MITF: variants seen among roughly 807,000 people sequenced by gnomAD.
MITF encodes melanocyte inducing transcription factor, also known as microphthalmia-associated transcription factor.
Under a neutral mutation model 60.5 loss-of-function variants are expected in MITF, and 17 were observed. The observed-to-expected ratio is 0.28, with a 90% confidence interval of 0.19 to 0.42. The LOEUF is 0.42. Ranked by LOEUF, MITF falls within the 10% of genes least tolerant of loss-of-function variation. MITF has a pLI of 1.00. For synonymous variants in MITF, 260 were observed against 248.5 expected (o/e 1.05, Z -0.43); for missense variants, 622 against 683.5 (o/e 0.91, Z 1.00).
At chr3:69,811,748 G>C (rs1262663373) in intron 1 of MITF, among the ~76,000 whole-genome samples, 5 of 152,196 alleles carry the variant, frequency 3.3e-5, no homozygotes, top group African/African-American at 4.8e-5. Context: ...AGAATGACAA[G>C]GAAGGTATGG....
chr3:69,950,214 G>A (rs1383161537), intron 6 of MITF, among the ~76,000 whole-genome samples: 1 of 151,918 alleles, frequency 6.6e-6, no homozygotes, highest in African/African-American at 2.4e-5. Flanking sequence ...CAGATTGCTT[G>A]AGCTCAGGAG....
intron 1 of MITF, among the ~76,000 whole-genome samples, chr3:69,810,415 C>G (rs1337157044): frequency 6.6e-6 from 1 of 152,118 alleles, no homozygotes; most frequent in Non-Finnish European, 1.5e-5. Context: ...AAGCTGGGTT[C>G]TTGGATTGCT....
chr3:69,755,090 C>T (rs1282519246), intron 1 of MITF, among the ~76,000 whole-genome samples: 4 of 152,300 alleles, frequency 2.6e-5, no homozygotes, highest in African/African-American at 9.6e-5. Flanking sequence ...AAGGATGGCA[C>T]ATGCTATTTA....
intron 2 of MITF, among the ~76,000 whole-genome samples, chr3:69,898,701 G>T (rs2064931795): frequency 6.6e-6 from 1 of 152,154 alleles, no homozygotes; most frequent in South Asian, 2.1e-4. Flanking sequence ...GAAATGGAAG[G>T]TTATGGCATG....
intron 1 of MITF, chr3:69,763,598 G>C: frequency 8.3e-7 from 1 of 1,204,646 alleles, no homozygotes; most frequent in South Asian, 2.0e-5. Flanking sequence ...ACGTAAGCGT[G>C]TGGCAGAACG....
chr3:69,848,669 TTA>T (rs2063771716), intron 1 of MITF, among the ~76,000 whole-genome samples: 1 of 152,138 alleles, frequency 6.6e-6, no homozygotes, highest in Non-Finnish European at 1.5e-5. Context: ...TTGCAAAAAT[TTA>T]TGTTTTCAGA....
At chr3:69,860,822 T>G (rs1172819187) in intron 1 of MITF, among the ~76,000 whole-genome samples, 1 of 152,186 alleles carries the variant, frequency 6.6e-6, no homozygotes, top group African/African-American at 2.4e-5. Context: ...TTTATTTCCC[T>G]TTTCAACCTT....
At chr3:69,840,707 A>G (rs1189740192) in intron 1 of MITF, among the ~76,000 whole-genome samples, 2 of 151,156 alleles carry the variant, frequency 1.3e-5, no homozygotes, top group Non-Finnish European at 2.9e-5. Flanking sequence ...ATTTCTCAAC[A>G]TGTCATCGAA....
chr3:69,783,990 C>G (rs1288894604), intron 1 of MITF, among the ~76,000 whole-genome samples: 1 of 152,202 alleles, frequency 6.6e-6, no homozygotes, highest in Non-Finnish European at 1.5e-5. Flanking sequence ...TTTCCTGTCT[C>G]TCTTTCTTCT....
intron 1 of MITF, among the ~76,000 whole-genome samples, chr3:69,845,438 C>CTTTTTTTTTTTT (rs202135701): frequency 3.0e-5 from 4 of 133,676 alleles, no homozygotes; most frequent in Admixed American, 7.5e-5. Context: ...TTTCTTTTTT[C>CTTTTTTTTTTTT]TTTCTTTTTT....
chr3:69,861,622 G>A (rs560007364), intron 1 of MITF, among the ~76,000 whole-genome samples: 1 of 152,180 alleles, frequency 6.6e-6, no homozygotes, highest in Admixed American at 6.5e-5. Context: ...CTTCCCATTG[G>A]CATGTGAGTG....
At chr3:69,863,091 A>G (rs2064046089) in intron 1 of MITF, among the ~76,000 whole-genome samples, 1 of 152,156 alleles carries the variant, frequency 6.6e-6, no homozygotes, top group African/African-American at 2.4e-5. Flanking sequence ...AGTTGCTTAC[A>G]TATTACGTTG....
Position 69,739,543 on chromosome 3 carries a change from C to T in MITF, c.-55C>T, listed in dbSNP as rs1703446500. 2 of 1,482,890 alleles carry T rather than the reference C, an allele frequency of 1.3e-6. No individual in the cohort carries two copies. The highest frequency in any genetic ancestry group is 2.8e-5 in the African/African-American group (2 of 71,666). The allele number at this position is 1,482,890 out of a possible 1,614,324, so 91.9% of individuals were successfully genotyped here. On this transcript the variant is annotated 5_prime_UTR_variant, in exon 1 of 10. Coordinates refer to ENST00000352241, the MANE Select transcript of MITF (RefSeq NM_001354604.2). ...GACCCAGGCCCAGCTACCTTCCCTCCGCCCCCGGGCTCTGTTCTCACTTTC... is the reference window on the plus strand; with the variant it reads ...GACCCAGGCCCAGCTACCTTCCCTCTGCCCCCGGGCTCTGTTCTCACTTTC...
In MITF at chr3:69,965,557, T is replaced by C. The variant is rs1268402530; in HGVS notation, c.*309T>C. On this transcript the variant is annotated 3_prime_UTR_variant, in exon 10 of 10. Coordinates refer to ENST00000352241, the MANE Select transcript of MITF (RefSeq NM_001354604.2). ...GCGTCAGAGAAATGTCTGTCCATTT[T>C]TATTCAGGGGAAACTTGATTTGAGA... 7.3e-6 allele frequency: 2 copies of C among 275,368 alleles called. No homozygotes were observed. The highest frequency in any genetic ancestry group is 1.4e-5 in the Non-Finnish European group (2 of 144,572). The allele number at this position is 275,368 out of a possible 1,614,324, so 17.1% of individuals were successfully genotyped here.
intron 2 of MITF, among the ~76,000 whole-genome samples, chr3:69,885,501 A>G (rs2107299903): frequency 6.6e-6 from 1 of 152,124 alleles, no homozygotes; most frequent in East Asian, 1.9e-4. Flanking sequence ...ATGTCATGAG[A>G]CCAGTAGAAC....
chr3:69,965,814 G>GA lies in MITF; in HGVS notation c.*576dup, dbSNP rs59665466. ...TTAAAGAAATATGTATTCTGTAAAA[G>GA]AAAAAAAAAATGCGGCCTTTTCATG... On this transcript the variant is annotated 3_prime_UTR_variant, in exon 10 of 10. Coordinates refer to ENST00000352241, the MANE Select transcript of MITF (RefSeq NM_001354604.2). 0.018 allele frequency: 3,949 copies of GA among 218,026 alleles called. 20 individuals are homozygous for GA. Among genetic ancestry groups the GA allele is most frequent in the East Asian group, 0.028 (406 of 14,684 alleles). 13.5% of individuals were successfully genotyped at this position (218,026 alleles called of 1,614,324 possible). A position where few individuals can be genotyped will look rare whatever the true frequency, so the allele number is the denominator to read the frequency against.
chr3:69,879,442 G>C, intron 2 of MITF, 59 bp downstream of exon 2: 1 of 1,611,018 alleles, frequency 6.2e-7, no homozygotes, highest in South Asian at 1.1e-5. Context: ...CCATTTGCTA[G>C]GTGTTTTGTT....
chr3:69,837,381 A>G (rs1231901124), intron 1 of MITF, among the ~76,000 whole-genome samples: 11 of 152,196 alleles, frequency 7.2e-5, no homozygotes, highest in Non-Finnish European at 2.9e-5. Flanking sequence ...ACCTTGTTTG[A>G]AAACAGGAGT....
intron 1 of MITF, among the ~76,000 whole-genome samples, chr3:69,742,107 C>G (rs1000646119): frequency 6.6e-6 from 1 of 152,178 alleles, no homozygotes; most frequent in Non-Finnish European, 1.5e-5. Flanking sequence ...TGGATTATTG[C>G]AGTAGTCTTT....
Sources: allele counts gnomAD v4.1 joint callset (sites outside exome capture counted in the v4.1 genomes callset), GRCh38; gene constraint gnomAD v4.1.1; transcripts MANE v1.5; gene names NCBI Gene and HGNC (gene_info 2026-07-23, HGNC 2026-07-21).